Variants in ZSWIM9 observed in about 807,000 individuals in gnomAD.
ZSWIM9 encodes the protein uncharacterized protein ZSWIM9.
Under a neutral mutation model 25.0 loss-of-function variants are expected in ZSWIM9, and 11 were observed. The ratio of observed to expected loss-of-function variants is 0.44; its 90% confidence interval spans 0.28 to 0.73. The LOEUF is 0.73. ZSWIM9 is among the 30% of genes least tolerant of loss of function. The probability of loss-of-function intolerance (pLI) is 0.16; values close to 1 mark genes in which losing one functional copy is unlikely to be tolerated. For missense variants in ZSWIM9, 1,070 were observed against 1,296.5 expected (o/e 0.83, Z 2.68); for synonymous variants, 562 against 582.1 (o/e 0.97, Z 0.50).
rs1245020230 is a variant in ZSWIM9 at position 48,195,393 on chromosome 19, G to T, written c.1329G>T (p.Val443=). Residue 443 remains valine, a synonymous_variant, in exon 4 of 4, where the codon GTG becomes GTT. Coordinates refer to ENST00000614654, the MANE Select transcript of ZSWIM9 (RefSeq NM_199341.4). The surrounding 1 kb of genome is among the most constrained non-coding windows in gnomAD (Gnocchi z 5.8). The stretch of plus-strand genomic sequence containing the variant: ...GGGCCGACGCGGCCGGGGAGGCGGT[G>T]CCCGAGGGGCCCGATGGCGGGGGGC... ...MQWADAAGEA[V]PEGPDGGGPW... 1.4e-6 allele frequency: 2 copies of T among 1,476,840 alleles called. No individual in the cohort carries two copies. Among genetic ancestry groups the T allele is most frequent in the Non-Finnish European group, 1.8e-6 (2 of 1,123,970 alleles). 91.5% of individuals were successfully genotyped at this position (1,476,840 alleles called of 1,614,324 possible). A position where few individuals can be genotyped will look rare whatever the true frequency, so the allele number is the denominator to read the frequency against.
At chr19:48,175,063 C>G (rs891843844) in intron 2 of ZSWIM9, among the ~76,000 whole-genome samples, 4 of 152,248 alleles carry the variant, frequency 2.6e-5, no homozygotes, top group African/African-American at 9.6e-5. Context: ...CTGGGTGGTT[C>G]TGGAAGGCTT....
At chr19:48,191,334 A>T (rs2037092610) in intron 3 of ZSWIM9, among the ~76,000 whole-genome samples, 2 of 151,946 alleles carry the variant, frequency 1.3e-5, no homozygotes, top group Non-Finnish European at 2.9e-5. Context: ...CCTCCCAAGT[A>T]GCTGAGATTA....
intron 3 of ZSWIM9, among the ~76,000 whole-genome samples, chr19:48,188,474 G>A (rs1032961408): frequency 6.6e-6 from 1 of 151,956 alleles, no homozygotes; most frequent in Admixed American, 6.6e-5. Flanking sequence ...TGATCTGCCT[G>A]CCTCGGCCTC....
rs1480286362 is a variant in ZSWIM9 at position 48,192,466 on chromosome 19, A to ATGT, written c.589-2187_589-2186insTGT. 8.8e-4 allele frequency among the ~76,000 whole-genome samples: 20 copies of ATGT among 22,800 alleles called. 2 individuals carry two copies. In the South Asian group the frequency reaches 0.011, roughly 13 times the overall value. 15.0% of individuals were successfully genotyped at this position (22,800 alleles called of 152,430 possible). ...CTCTGTCTCAAAAAAAAAAAAAAAA[A>ATGT]AAAAAAAAAAAAAAATATATATATA... On this transcript the variant is annotated intron_variant, in intron 3 of 3. Transcript: ENST00000614654.
At chr19:48,190,302 G>A (rs1417043588) in intron 3 of ZSWIM9, among the ~76,000 whole-genome samples, 1 of 152,156 alleles carries the variant, frequency 6.6e-6, no homozygotes, top group Non-Finnish European at 1.5e-5. Flanking sequence ...AGTTATAGAG[G>A]GTCTTGAGGT....
chr19:48,192,466 A>ATGTATATATATAT (rs1480286362), intron 3 of ZSWIM9, among the ~76,000 whole-genome samples: 1 of 22,808 alleles, frequency 4.4e-5, no homozygotes, highest in African/African-American at 1.2e-4. Context: ...AAAAAAAAAA[A>ATGTATATATATAT]AAAAAAAAAA....
At position 48,197,303 on chromosome 19, in the gene ZSWIM9, A is replaced by G. The variant is rs1182170191; in HGVS notation, c.*476A>G. The G allele has an allele frequency of 4.3e-6, 3 of 702,514 alleles. No homozygotes were observed. The highest frequency in any genetic ancestry group is 2.0e-5 in the Admixed American group (1 of 49,950). The allele number at this position is 702,514 out of a possible 1,614,324, so 43.5% of individuals were successfully genotyped here. ...GAAAAAATGGAAAGGGGAGCCGGAA[A>G]TGGAGGAGAGAGGACAAGCAAAGAG... On this transcript the variant is annotated 3_prime_UTR_variant, in exon 4 of 4. Coordinates refer to ENST00000614654, the MANE Select transcript of ZSWIM9 (RefSeq NM_199341.4).
Position 48,194,955 on chromosome 19 carries a change from G to C in ZSWIM9, c.891G>C (p.Glu297Asp). 7.5e-7 allele frequency: 1 copy of C among 1,328,498 alleles called. No individual in the cohort carries two copies. The highest frequency in any genetic ancestry group is 9.6e-7 in the Non-Finnish European group (1 of 1,041,362). 82.3% of individuals were successfully genotyped at this position (1,328,498 alleles called of 1,614,324 possible). The change falls in exon 4 of 4, where the codon GAG becomes GAC. Residue 297 changes from glutamate (E) to aspartate (D), a missense_variant. Glu to Asp is a conservative substitution (Grantham distance 45). This residue lies in a region of ZSWIM9 where 184 missense variants were observed against 243.1 expected (regional missense o/e 0.76). Transcript: ENST00000614654. This position sits in a 1 kb window ranked among gnomAD's most constrained non-coding sequence, Gnocchi z 6.0. ...GRVRCLTAGP[E>D]VAAQLPAVRQ... Reference sequence around the variant, plus strand: ...TGCGCTGCCTCACCGCCGGGCCCGAGGTGGCGGCGCAGTTGCCTGCAGTGC... The same window carrying C: ...TGCGCTGCCTCACCGCCGGGCCCGACGTGGCGGCGCAGTTGCCTGCAGTGC...
At chr19:48,176,750 G>A (rs964874805) in intron 2 of ZSWIM9, among the ~76,000 whole-genome samples, 4 of 151,896 alleles carry the variant, frequency 2.6e-5, no homozygotes, top group Non-Finnish European at 4.4e-5. Context: ...TGTGGGGAGC[G>A]TACATTACAG....
chr19:48,173,481 T>A (rs1462205609), intron 2 of ZSWIM9, among the ~76,000 whole-genome samples: 1 of 151,772 alleles, frequency 6.6e-6, no homozygotes, highest in Non-Finnish European at 1.5e-5. Flanking sequence ...GTATTTGTAG[T>A]AGAGATGGGG....
At chr19:48,178,608 G>A (rs989601422) in intron 2 of ZSWIM9, among the ~76,000 whole-genome samples, 32 of 150,922 alleles carry the variant, frequency 2.1e-4, no homozygotes, top group African/African-American at 6.6e-4. Context: ...ACAGAGTCTC[G>A]CTCTGTCGCC....
chr19:48,188,187 C>T (rs574223005), intron 3 of ZSWIM9, among the ~76,000 whole-genome samples: 2 of 151,746 alleles, frequency 1.3e-5, no homozygotes, highest in South Asian at 4.2e-4. Context: ...GATTTAAGGG[C>T]AAGACTGGGG....
At position 48,195,865 on chromosome 19, in the gene ZSWIM9, G is replaced by A; in HGVS notation, c.1801G>A (p.Glu601Lys). Residue 601 changes from glutamate to lysine, a missense_variant, in exon 4 of 4, where the codon GAA (glutamate) becomes AAA (lysine). Physicochemically the swap from Glu to Lys is moderately conservative, Grantham distance 56. Coordinates refer to ENST00000614654, the MANE Select transcript of ZSWIM9 (RefSeq NM_199341.4). This position sits in a 1 kb window ranked among gnomAD's most constrained non-coding sequence, Gnocchi z 5.8. ...GTATACCTGGAGGGTGGCCCAGCTG[G>A]AAGATCGCAGGAGTACCACCGACCT... is the stretch of plus-strand genomic sequence containing the variant. ...EGYTWRVAQL[E>K]DRRSTTDLRG... 1.4e-6 allele frequency: 2 copies of A among 1,423,938 alleles called. No individual in the cohort carries two copies. The highest frequency in any genetic ancestry group is 2.8e-5 in the East Asian group (1 of 36,302). 88.2% of individuals were successfully genotyped at this position (1,423,938 alleles called of 1,614,324 possible).
chr19:48,180,837 A>G, intron 2 of ZSWIM9: 1 of 147,082 alleles, frequency 6.8e-6, no homozygotes, highest in Admixed American at 6.9e-5. Context: ...GGCTCACTGC[A>G]ATCTCTGCCT....
At chr19:48,188,643 G>A (rs1448373346) in intron 3 of ZSWIM9, among the ~76,000 whole-genome samples, 31 of 152,192 alleles carry the variant, frequency 2.0e-4, no homozygotes, top group Admixed American at 2.0e-3. Context: ...GCCCTGAAAA[G>A]AGAGACCTTG....
At chr19:48,172,120 C>A in intron 2 of ZSWIM9, 43 bp downstream of exon 2, 1 of 1,391,450 alleles carries the variant, frequency 7.2e-7, no homozygotes, top group Non-Finnish European at 9.6e-7. Flanking sequence ...GGAAGGGGAG[C>A]ACCGGGGGTG....
At chr19:48,177,266 A>AT (rs959097288) in intron 2 of ZSWIM9, among the ~76,000 whole-genome samples, 17 of 152,078 alleles carry the variant, frequency 1.1e-4, no homozygotes, top group African/African-American at 3.9e-4. Context: ...GGTTGTGGCA[A>AT]TGGAAAAAAT....
chr19:48,191,740 C>T (rs4802439), intron 3 of ZSWIM9, among the ~76,000 whole-genome samples: 64,520 of 151,972 alleles, frequency 0.42, 14,072 homozygotes, highest in East Asian at 0.53. Flanking sequence ...GTACATTCAT[C>T]TGCATCCTCA....
chr19:48,197,436 C>T lies in ZSWIM9; in HGVS notation c.*609C>T, dbSNP rs747447111. 1.2e-5 allele frequency: 7 copies of T among 602,826 alleles called. No homozygotes were observed. Among genetic ancestry groups the T allele is most frequent in the Admixed American group, 2.7e-5 (1 of 36,786 alleles). 37.3% of individuals were successfully genotyped at this position (602,826 alleles called of 1,614,324 possible). On this transcript the variant is annotated 3_prime_UTR_variant, in exon 4 of 4. Transcript: ENST00000614654. ...TGAGACAAAAGAAATGTGTGGGAGA[C>T]GGGTAGAGACGAAATGCAAGGGGCG...
Sources: gnomAD v4.1 joint callset for allele counts (sites outside exome capture counted in the v4.1 genomes callset) on GRCh38, gnomAD v4.1.1 for gene constraint, gnomAD v4.1.1 regional missense constraint, Gnocchi (gnomAD v3.1) non-coding constraint, MANE v1.5 for transcripts, NCBI Gene and HGNC (gene_info 2026-07-23, HGNC 2026-07-21) for gene names.